The following CNTN4 variants were observed in gnomAD, a reference collection of about 807,000 sequenced individuals.
CNTN4 encodes the protein contactin-4.
Under a neutral mutation model 122.5 loss-of-function variants are expected in CNTN4, and 77 were observed. The ratio of observed to expected loss-of-function variants is 0.63; its 90% CI spans 0.52 to 0.76. The LOEUF is 0.76. Ranked by LOEUF, CNTN4 falls within the 30% of genes least tolerant of loss-of-function variation. CNTN4 has a pLI of 0.00. For synonymous variants in CNTN4, 512 were observed against 447.0 expected (o/e 1.15, Z -1.83); for missense variants, 1,256 against 1,259.1 (o/e 1.00, Z 0.04).
intron 3 of CNTN4, among the ~76,000 whole-genome samples, chr3:2,482,039 C>T (rs1208029426): frequency 2.6e-5 from 4 of 152,072 alleles, no homozygotes; most frequent in African/African-American, 2.4e-5. Flanking sequence ...TAAAGATAGA[C>T]GAAAATGTGA....
chr3:2,721,919 G>T (rs1414413329), intron 4 of CNTN4, among the ~76,000 whole-genome samples: 1 of 152,172 alleles, frequency 6.6e-6, no homozygotes, highest in African/African-American at 2.4e-5. Flanking sequence ...ACCCATGTAA[G>T]AGAAGCCCCA....
intron 3 of CNTN4, among the ~76,000 whole-genome samples, chr3:2,522,772 A>G (rs2077267338): frequency 6.6e-6 from 1 of 152,054 alleles, no homozygotes; most frequent in South Asian, 2.1e-4. Context: ...CACTTGAGTA[A>G]TAAGGATAAA....
At chr3:2,713,023 C>T (rs537215386) in intron 4 of CNTN4, among the ~76,000 whole-genome samples, 12 of 152,286 alleles carry the variant, frequency 7.9e-5, no homozygotes, top group African/African-American at 2.2e-4. Flanking sequence ...TTGCGTTCCC[C>T]TGTGTTATTT....
At chr3:2,792,843 G>A (rs374026465) in intron 6 of CNTN4, among the ~76,000 whole-genome samples, 2 of 152,170 alleles carry the variant, frequency 1.3e-5, no homozygotes, top group African/African-American at 2.4e-5. Context: ...TATATAAGAT[G>A]TATTTATACT....
Position 2,736,333 on chromosome 3 carries a change from T to C in CNTN4, c.174T>C (p.Pro58=), listed in dbSNP as rs1328811412. Reference sequence around the variant, plus strand: ...GTGAAGTTAAAGGAAATCCAAAACCTCATATCAGGTTTGTTGATGTAAAAG... The same window carrying C: ...GTGAAGTTAAAGGAAATCCAAAACCCCATATCAGGTTTGTTGATGTAAAAG... ...LNCEVKGNPK[P]HIRWKLNGTD... is the part of the protein sequence containing the mutation. Residue 58 remains proline, a synonymous_variant, in exon 5 of 25, where the codon CCT becomes CCC. Transcript: ENST00000418658. The C allele has an allele frequency of 6.2e-7, 1 of 1,613,534 alleles. No homozygotes were observed. The highest frequency in any genetic ancestry group is 8.5e-7 in the Non-Finnish European group (1 of 1,179,748).
intron 2 of CNTN4, among the ~76,000 whole-genome samples, chr3:2,255,402 T>C (rs6775529): frequency 0.71 from 108,438 of 151,996 alleles, 38,781 homozygotes; most frequent in South Asian, 0.79. Flanking sequence ...CAAGGATATT[T>C]AGGACTTGAA....
chr3:2,611,748 C>A (rs954684989), intron 4 of CNTN4, among the ~76,000 whole-genome samples: 1 of 152,110 alleles, frequency 6.6e-6, no homozygotes, highest in African/African-American at 2.4e-5. Context: ...AAGAAGCTGT[C>A]TTGAACATTT....
intron 2 of CNTN4, among the ~76,000 whole-genome samples, chr3:2,106,011 C>T (rs1001084761): frequency 3.9e-5 from 6 of 152,186 alleles, no homozygotes; most frequent in Non-Finnish European, 5.9e-5. Flanking sequence ...TGAAACCAGG[C>T]GGGGCAGTTA....
chr3:2,526,136 G>C (rs1241670907), intron 3 of CNTN4, among the ~76,000 whole-genome samples: 3 of 151,904 alleles, frequency 2.0e-5, no homozygotes, highest in Non-Finnish European at 4.4e-5. Context: ...ACCCATCCCT[G>C]GCACTATGGT....
intron 3 of CNTN4, among the ~76,000 whole-genome samples, chr3:2,448,627 C>A (rs537793805): frequency 6.6e-6 from 1 of 152,134 alleles, no homozygotes; most frequent in African/African-American, 2.4e-5. Flanking sequence ...TCCCATGGAG[C>A]CAGAGGAAGT....
At chr3:2,515,917 T>TATAC (rs201184186) in intron 3 of CNTN4, among the ~76,000 whole-genome samples, 1 of 152,020 alleles carries the variant, frequency 6.6e-6, no homozygotes, top group Non-Finnish European at 1.5e-5. Flanking sequence ...TATATATATA[T>TATAC]ACACACACAC....
chr3:2,770,356 G>C (rs1271507583), intron 6 of CNTN4, among the ~76,000 whole-genome samples: 1 of 152,124 alleles, frequency 6.6e-6, no homozygotes, highest in East Asian at 1.9e-4. Context: ...TTTAGCTTTG[G>C]AGGAAAATGT....
intron 9 of CNTN4, among the ~76,000 whole-genome samples, chr3:2,884,646 T>A (rs114372050): frequency 6.6e-6 from 1 of 152,164 alleles, no homozygotes; most frequent in South Asian, 2.1e-4. Context: ...TGTATAAGCA[T>A]TTATATATAT....
At chr3:3,029,714 G>A (rs1249525522) in intron 15 of CNTN4, among the ~76,000 whole-genome samples, 1 of 152,156 alleles carries the variant, frequency 6.6e-6, no homozygotes, top group Non-Finnish European at 1.5e-5. Flanking sequence ...CCATTTTCTA[G>A]CTACGTGACT....
intron 4 of CNTN4, among the ~76,000 whole-genome samples, chr3:2,729,297 G>A (rs569178186): frequency 4.6e-5 from 7 of 152,108 alleles, no homozygotes; most frequent in Admixed American, 1.3e-4. Context: ...GGGCGCGGTG[G>A]CTCACGCCTG....
At chr3:2,206,400 A>C (rs1405670544) in intron 2 of CNTN4, among the ~76,000 whole-genome samples, 1 of 152,096 alleles carries the variant, frequency 6.6e-6, no homozygotes, top group African/African-American at 2.4e-5. Flanking sequence ...ACATCAAGCA[A>C]ATTTCATTAT....
chr3:2,260,655 A>C (rs1159785100), intron 2 of CNTN4, among the ~76,000 whole-genome samples: 3 of 151,918 alleles, frequency 2.0e-5, no homozygotes, highest in Admixed American at 2.0e-4. Flanking sequence ...ATTTAATACA[A>C]TGTTGCCTGC....
intron 4 of CNTN4, among the ~76,000 whole-genome samples, chr3:2,597,591 A>G (rs544624101): frequency 9.2e-5 from 14 of 152,284 alleles, no homozygotes; most frequent in African/African-American, 3.4e-4. Flanking sequence ...TGCAGAATTG[A>G]GAATCATCAG....
chr3:2,949,461 T>C (rs1051478281), intron 13 of CNTN4, among the ~76,000 whole-genome samples: 2 of 152,202 alleles, frequency 1.3e-5, no homozygotes, highest in Non-Finnish European at 2.9e-5. Flanking sequence ...TCCCATTATT[T>C]GCACCCTTCC....
Sources: gnomAD v4.1 joint callset for allele counts (sites outside exome capture counted in the v4.1 genomes callset) on GRCh38, gnomAD v4.1.1 for gene constraint, MANE v1.5 for transcripts, NCBI Gene and HGNC (gene_info 2026-07-23, HGNC 2026-07-21) for gene names.